The following LPP variants were observed in gnomAD, a reference collection of about 807,000 sequenced individuals.
LPP encodes the protein lipoma-preferred partner.
In LPP, 38 loss-of-function variants were observed where a neutral mutation model predicts 60.4. That is an observed-to-expected ratio of 0.63 (90% CI 0.49 to 0.83). LPP has a LOEUF of 0.83. Ranked by LOEUF, LPP falls within the 40% of genes least tolerant of loss-of-function variation. LPP has a pLI of 0.00. For synonymous variants in LPP, 328 were observed against 290.8 expected, an observed-to-expected ratio of 1.13 and a Z score of -1.30; for missense variants, 902 against 783.6, an observed-to-expected ratio of 1.15 and a Z score of -1.80.
rs527376671 is a variant in LPP, at chr3:188,180,201, C to A, written c.-190+25949C>A. The A allele has an allele frequency of 4.5e-5, 7 of 154,586 alleles. No individual in the cohort carries two copies. The East Asian group carries it at 1.4e-3, about 30-fold the overall frequency. The allele number at this position is 154,586 out of a possible 1,614,324, so 9.6% of individuals were successfully genotyped here. ...GGGAAGGCATTTGTCCTTCGGCTTC[C>A]CAGCTGGCTTCTTGCCTTCTCACTC... On this transcript the variant is annotated intron_variant, in intron 1 of 11. Transcript: ENST00000617246.
At chr3:188,255,987 A>G (rs1176095599) in intron 2 of LPP, among the ~76,000 whole-genome samples, 1 of 152,210 alleles carries the variant, frequency 6.6e-6, no homozygotes, top group Admixed American at 6.5e-5. Context: ...TATTTTTCAA[A>G]TTTGTTGTTA....
At chr3:188,542,705 A>G (rs1480593908) in intron 6 of LPP, among the ~76,000 whole-genome samples, 3 of 143,538 alleles carry the variant, frequency 2.1e-5, no homozygotes, top group Admixed American at 7.2e-5. Flanking sequence ...GTTTTGCCTG[A>G]AATGCATTAT....
chr3:188,642,881 A>T (rs1850429876), intron 7 of LPP, among the ~76,000 whole-genome samples: 4 of 152,108 alleles, frequency 2.6e-5, no homozygotes, highest in Admixed American at 2.0e-4. Context: ...GGTTGCGGTA[A>T]GCTGAGATCG....
chr3:188,779,882 T>A (rs903104096), intron 9 of LPP, among the ~76,000 whole-genome samples: 8 of 152,172 alleles, frequency 5.3e-5, no homozygotes, highest in African/African-American at 1.9e-4. Context: ...CTGTTTTGGC[T>A]AACTTCTAGT....
chr3:188,669,185 T>C (rs1408830751), intron 7 of LPP, among the ~76,000 whole-genome samples: 1 of 152,066 alleles, frequency 6.6e-6, no homozygotes, highest in Non-Finnish European at 1.5e-5. Context: ...TTTAATTTCA[T>C]GTTCACCCTG....
chr3:188,682,005 G>C (rs1217594777), intron 7 of LPP, among the ~76,000 whole-genome samples: 1 of 152,182 alleles, frequency 6.6e-6, no homozygotes, highest in African/African-American at 2.4e-5. Context: ...ATGTTTGTTA[G>C]AAGAATGAAT....
At chr3:188,789,704 A>T (rs1477582572) in intron 9 of LPP, among the ~76,000 whole-genome samples, 1 of 152,212 alleles carries the variant, frequency 6.6e-6, no homozygotes, top group African/African-American at 2.4e-5. Flanking sequence ...AATAATTTTG[A>T]TTATATATTT....
intron 8 of LPP, chr3:188,743,503 C>A (rs1725143832): frequency 6.6e-6 from 1 of 152,056 alleles, no homozygotes; most frequent in Non-Finnish European, 1.5e-5. Context: ...GCCATAAACT[C>A]CAGTCTGTGT....
At chr3:188,693,008 A>G (rs1862450838) in intron 7 of LPP, among the ~76,000 whole-genome samples, 1 of 152,234 alleles carries the variant, frequency 6.6e-6, no homozygotes, top group Non-Finnish European at 1.5e-5. Flanking sequence ...ATTACCCAGG[A>G]TATTTAGAAT....
intron 3 of LPP, among the ~76,000 whole-genome samples, chr3:188,353,948 C>T (rs905264001): frequency 4.7e-5 from 7 of 150,050 alleles, no homozygotes; most frequent in East Asian, 3.9e-4. Context: ...AAGCTGAGAA[C>T]AAAACTAGAC....
At chr3:188,843,326 G>T (rs963957399) in intron 9 of LPP, among the ~76,000 whole-genome samples, 1 of 152,134 alleles carries the variant, frequency 6.6e-6, no homozygotes, top group African/African-American at 2.4e-5. Flanking sequence ...AAGTGGGAAG[G>T]GTACTGGCCC....
intron 7 of LPP, among the ~76,000 whole-genome samples, chr3:188,676,363 C>T (rs1858099090): frequency 6.6e-6 from 1 of 152,166 alleles, no homozygotes; most frequent in African/African-American, 2.4e-5. Context: ...CGTGTCGCCA[C>T]ATCTTAGGTA....
At chr3:188,440,467 T>C (rs1207480743) in intron 4 of LPP, among the ~76,000 whole-genome samples, 3 of 152,202 alleles carry the variant, frequency 2.0e-5, no homozygotes. Context: ...TCCTTCATGA[T>C]TGATAGAGAA....
intron 9 of LPP, among the ~76,000 whole-genome samples, chr3:188,814,943 C>G (rs1038776068): frequency 6.6e-6 from 1 of 152,326 alleles, no homozygotes; most frequent in South Asian, 2.1e-4. Context: ...AGTGAATGCT[C>G]TTATCCGTAA....
At chr3:188,485,403 T>C (rs1328691029) in intron 5 of LPP, among the ~76,000 whole-genome samples, 1 of 152,202 alleles carries the variant, frequency 6.6e-6, no homozygotes, top group Non-Finnish European at 1.5e-5. Context: ...AGTGATAGAA[T>C]TATTGTTATA....
intron 8 of LPP, among the ~76,000 whole-genome samples, chr3:188,732,292 T>C (rs553529170): frequency 2.5e-4 from 38 of 152,266 alleles, no homozygotes; most frequent in Non-Finnish European, 5.0e-4. Flanking sequence ...ATGAAATGAA[T>C]AAAATTATTC....
chr3:188,255,241 C>T (rs1244590895), intron 2 of LPP, among the ~76,000 whole-genome samples: 1 of 152,184 alleles, frequency 6.6e-6, no homozygotes, highest in Middle Eastern at 3.2e-3. Flanking sequence ...CCAGACATCT[C>T]ATACAGTCTT....
intron 3 of LPP, among the ~76,000 whole-genome samples, chr3:188,391,635 A>G (rs1183122287): frequency 2.0e-5 from 3 of 152,162 alleles, no homozygotes; most frequent in Non-Finnish European, 2.9e-5. Context: ...AAAACTGCAC[A>G]AAATTATTCC....
intron 9 of LPP, among the ~76,000 whole-genome samples, chr3:188,803,570 A>C (rs1747997329): frequency 6.6e-6 from 1 of 152,202 alleles, no homozygotes; most frequent in Non-Finnish European, 1.5e-5. Flanking sequence ...TTGTAATTTA[A>C]TTAATCTTAT....
Sources: allele counts gnomAD v4.1 joint callset (sites outside exome capture counted in the v4.1 genomes callset), GRCh38; gene constraint gnomAD v4.1.1; transcripts MANE v1.5; gene names NCBI Gene and HGNC (gene_info 2026-07-23, HGNC 2026-07-21).